Variants in SLCO1A2 observed in about 807,000 individuals in gnomAD.
The protein encoded by SLCO1A2 is OATP-1.
SLCO1A2 carries 67 observed loss-of-function variants against 69.0 expected under a neutral mutation model. The ratio of observed to expected loss-of-function variants is 0.97; its 90% confidence interval spans 0.80 to 1.19. SLCO1A2 has a LOEUF of 1.19. SLCO1A2 is among the 50% of genes most tolerant of loss of function. The probability of loss-of-function intolerance (pLI) is 0.00; values close to 1 mark genes in which losing one functional copy is unlikely to be tolerated. For missense variants in SLCO1A2, 787 were observed against 793.7 expected (o/e 0.99, Z 0.10); for synonymous variants, 260 against 265.9 (o/e 0.98, Z 0.22).
chr12:21,377,943 C>T (rs934352341), intron 1 of SLCO1A2, among the ~76,000 whole-genome samples: 2 of 151,898 alleles, frequency 1.3e-5, no homozygotes, highest in Admixed American at 6.6e-5. Flanking sequence ...AAATGTAAGA[C>T]AAAGACACTG....
chr12:21,292,116 T>C (rs994576347), intron 12 of SLCO1A2, 48 bp downstream of exon 12: 5 of 1,388,046 alleles, frequency 3.6e-6, no homozygotes, highest in Non-Finnish European at 4.8e-6. Flanking sequence ...ACAAGCTACC[T>C]TAATAAATGA....
rs531660745 is a variant in SLCO1A2, at chr12:21,274,873, A to G, written c.1676-287T>C. 7 of 1,015,626 alleles carry G rather than the reference A, an allele frequency of 6.9e-6. 1 individual carries two copies. The South Asian group carries it at 2.0e-4, about 29-fold the overall frequency. The allele number at this position is 1,015,626 out of a possible 1,614,324, so 62.9% of individuals were successfully genotyped here. A position where few individuals can be genotyped will look rare whatever the true frequency, so the allele number is the denominator to read the frequency against. On this transcript the variant is annotated intron_variant, in intron 13 of 14. Transcript: ENST00000683939. Reference sequence around the variant, plus strand: ...TTCTTAAATGTTTTGGGCCAGTTATATGTACATTTTATTTGGGCAGAGCAT... The same window carrying G: ...TTCTTAAATGTTTTGGGCCAGTTATGTGTACATTTTATTTGGGCAGAGCAT...
chr12:21,278,074 G>A (rs1375935793), intron 12 of SLCO1A2, among the ~76,000 whole-genome samples: 4 of 151,688 alleles, frequency 2.6e-5, no homozygotes, highest in African/African-American at 9.7e-5. Flanking sequence ...AAGAACTCTT[G>A]TGCCTTAAGT....
intron 1 of SLCO1A2, among the ~76,000 whole-genome samples, chr12:21,408,439 C>T (rs1041751119): frequency 5.9e-5 from 9 of 152,232 alleles, no homozygotes; most frequent in Non-Finnish European, 1.0e-4. Context: ...TCACTCTACT[C>T]CCAATATTCA....
chr12:21,353,491 A>T (rs946979271), intron 2 of SLCO1A2, among the ~76,000 whole-genome samples: 9 of 152,076 alleles, frequency 5.9e-5, no homozygotes, highest in South Asian at 2.1e-4. Flanking sequence ...AAAAGAAAGA[A>T]AGAAAAGAAA....
At chr12:21,356,991 TA>T (rs1170948953) in intron 2 of SLCO1A2, among the ~76,000 whole-genome samples, 13 of 149,644 alleles carry the variant, frequency 8.7e-5, no homozygotes, top group Middle Eastern at 3.4e-3. Flanking sequence ...ATACAGAAAA[TA>T]TTGACCACAA....
intron 2 of SLCO1A2, among the ~76,000 whole-genome samples, chr12:21,341,743 T>C (rs1234614135): frequency 1.3e-5 from 2 of 152,056 alleles, no homozygotes; most frequent in Non-Finnish European, 2.9e-5. Flanking sequence ...CAGGATAGTA[T>C]CCATTCAGAT....
At chr12:21,375,855 G>T (rs1408147713) in intron 1 of SLCO1A2, among the ~76,000 whole-genome samples, 1 of 152,150 alleles carries the variant, frequency 6.6e-6, no homozygotes, top group African/African-American at 2.4e-5. Flanking sequence ...GTGGTCTACA[G>T]CTTTAATGTT....
At chr12:21,338,748 C>T (rs942219078), upstream of SLCO1A2, among the ~76,000 whole-genome samples, 16 of 151,814 alleles carry the variant, frequency 1.1e-4, no homozygotes, top group Admixed American at 4.6e-4. Flanking sequence ...ATTTCCATTA[C>T]GTGCCAATAT....
At position 21,297,473 on chromosome 12, in the gene SLCO1A2, T is replaced by G; in HGVS notation, c.1006A>C (p.Ile336Leu). ...TCTAGGTATTTAGGCATGAAGGAGATCATGTTAACGAATGCATTGAACTGT... is the reference window on the plus strand; with the variant it reads ...TCTAGGTATTTAGGCATGAAGGAGAGCATGTTAACGAATGCATTGAACTGT... ...VIQFNAFVNM[I>L]SFMPKYLEQQ... The change falls in exon 9 of 15, where the codon ATC becomes CTC. Residue 336 changes from isoleucine to leucine, a missense_variant. Physicochemically the swap from Ile to Leu is conservative, Grantham distance 5. Transcript: ENST00000683939. 1 of 1,596,280 alleles carries G rather than the reference T, an allele frequency of 6.3e-7. No individual in the cohort carries two copies.
chr12:21,329,732 A>T (rs1278570840), intron 2 of SLCO1A2, among the ~76,000 whole-genome samples: 1 of 142,934 alleles, frequency 7.0e-6, no homozygotes, highest in Non-Finnish European at 1.5e-5. Flanking sequence ...TAATATTTTT[A>T]TCTTTACTTA....
At chr12:21,297,186 C>T (rs1208068015) in intron 9 of SLCO1A2, among the ~76,000 whole-genome samples, 1 of 152,016 alleles carries the variant, frequency 6.6e-6, no homozygotes, top group African/African-American at 2.4e-5. Context: ...CTCTTCCCTT[C>T]CCTACCCTTT....
chr12:21,276,501 T>C (rs1314617282), intron 12 of SLCO1A2, among the ~76,000 whole-genome samples: 1 of 144,200 alleles, frequency 6.9e-6, no homozygotes, highest in Non-Finnish European at 1.5e-5. Flanking sequence ...TCTCCACCAA[T>C]CATCCCTCCT....
At chr12:21,418,264 T>C (rs1942020078), upstream of SLCO1A2, among the ~76,000 whole-genome samples, 1 of 152,184 alleles carries the variant, frequency 6.6e-6, no homozygotes, top group African/African-American at 2.4e-5. Context: ...TCAATTTACA[T>C]ATATGATTAA....
chr12:21,297,360 TG>T (rs761983636), intron 9 of SLCO1A2, 43 bp downstream of exon 9: 27 of 1,526,064 alleles, frequency 1.8e-5, no homozygotes, highest in Middle Eastern at 1.7e-4. Flanking sequence ...ACACTGTTCG[TG>T]GGGGGGAAAG....
chr12:21,317,155 G>GA (rs1398807999), intron 3 of SLCO1A2, among the ~76,000 whole-genome samples: 1 of 152,066 alleles, frequency 6.6e-6, no homozygotes, highest in Non-Finnish European at 1.5e-5. Context: ...CCTGGGCACA[G>GA]AAAGGTTAAT....
At chr12:21,298,573 A>T (rs1948110480) in intron 8 of SLCO1A2, among the ~76,000 whole-genome samples, 1 of 152,214 alleles carries the variant, frequency 6.6e-6, no homozygotes, top group South Asian at 2.1e-4. Context: ...TAATGCAAGT[A>T]AATGAGTTAT....
rs1948533203 is a variant in SLCO1A2 at position 21,300,235 on chromosome 12, G to A, written c.910+113C>T. The stretch of plus-strand genomic sequence containing the variant: ...TAGGTATTCTTGACTGGTGACTGTT[G>A]ATGACAAATTGTCTCAACACAGCAT... On this transcript the variant is annotated intron_variant, in intron 8 of 14. Coordinates refer to ENST00000683939, the MANE Select transcript of SLCO1A2 (RefSeq NM_001386879.1). 1.1e-5 allele frequency: 7 copies of A among 665,648 alleles called. No individual in the cohort carries two copies. The South Asian group carries it at 1.8e-4, about 17-fold the overall frequency. The allele number at this position is 665,648 out of a possible 1,614,324, so 41.2% of individuals were successfully genotyped here.
intron 2 of SLCO1A2, among the ~76,000 whole-genome samples, chr12:21,351,792 T>A (rs1937980693): frequency 6.8e-6 from 1 of 147,712 alleles, no homozygotes; most frequent in South Asian, 2.2e-4. Flanking sequence ...AAAAAAAAAA[T>A]CATAAAAATA....
Sources: allele counts gnomAD v4.1 joint callset (sites outside exome capture counted in the v4.1 genomes callset), GRCh38; gene constraint gnomAD v4.1.1; transcripts MANE v1.5; gene names NCBI Gene and HGNC (gene_info 2026-07-23, HGNC 2026-07-21).